CARD9: variants seen among roughly 807,000 people sequenced by gnomAD.
CARD9 encodes caspase recruitment domain-containing protein 9.
A neutral mutation model predicts 66.0 loss-of-function variants in CARD9; 53 were observed. The ratio of observed to expected loss-of-function variants is 0.80; its 90% CI spans 0.64 to 1.01. The LOEUF is 1.01. Ranked by LOEUF, CARD9 falls within the 50% of genes least tolerant of loss-of-function variation. CARD9 has a pLI of 0.00. For synonymous variants in CARD9, 387 were observed against 313.8 expected (o/e 1.23, Z -2.47); for missense variants, 769 against 743.2 (o/e 1.03, Z -0.40).
intron 2 of CARD9, 34 bp downstream of exon 2, chr9:136,371,861 G>C (rs372312986): frequency 1.9e-6 from 3 of 1,570,046 alleles, no homozygotes; most frequent in Non-Finnish European, 2.6e-6. Context: ...CTGTGGTTGG[G>C]TTTGGGGCCT....
At chr9:136,370,018 C>G in intron 6 of CARD9, 143 bp from the exon 7 acceptor site, 1 of 1,487,942 alleles carries the variant, frequency 6.7e-7, no homozygotes, top group Non-Finnish European at 9.0e-7. Flanking sequence ...CAGGCCCCTA[C>G]CAGCCCTGCA....
At position 136,367,703 on chromosome 9, in the gene CARD9, C is replaced by T. The variant is rs980067180; in HGVS notation, c.1203G>A (p.Gln401=). Residue 401 remains glutamine (Q), a synonymous_variant, in exon 8 of 13, where the codon CAG becomes CAA. Coordinates refer to ENST00000371732, the MANE Select transcript of CARD9 (RefSeq NM_052813.5). The part of the protein sequence containing the change: ...KADELQLQVF[Q]CEAQLLAVEG... ...CCACGGCCAGTAGCTGCGCCTCACA[C>T]TGGAACACCTGCAGCTGCAGCTCAT... The T allele has an allele frequency of 5.6e-6, 9 of 1,603,536 alleles. No homozygotes were observed. The highest frequency in any genetic ancestry group is 7.6e-6 in the Non-Finnish European group (9 of 1,179,012).
chr9:136,367,926 C>T (rs1052565434), intron 7 of CARD9, 98 bp from the exon 8 acceptor site: 11 of 1,463,558 alleles, frequency 7.5e-6, no homozygotes, highest in East Asian at 5.0e-5. Flanking sequence ...CTCCGGAGGA[C>T]GTCAAGCCGC....
Position 136,364,348 on chromosome 9 carries a change from C to G in CARD9, c.1565G>C (p.Arg522Pro), listed in dbSNP as rs745730969. 1.3e-6 allele frequency: 2 copies of G among 1,569,488 alleles called. No homozygotes were observed. Among genetic ancestry groups the G allele is most frequent in the East Asian group, 4.7e-5 (2 of 42,842 alleles). The change falls in exon 13 of 13, where the codon CGG becomes CCG. Residue 522 changes from arginine (R) to proline (P), a missense_variant. Arg to Pro is a moderately radical substitution (Grantham distance 103). Transcript: ENST00000371732. ...GTTGTCGCTGCCCGTGGTGTTCTCC[C>G]GGTCCTCCTCCCCCTGCCGCCATCC... ...QKGWRQGEED[R>P]ENTTGSDNTD...
Position 136,364,203 on chromosome 9 carries a change from G to T in CARD9, c.*99C>A, listed in dbSNP as rs774509943. The T allele has an allele frequency of 6.4e-7, 1 of 1,550,544 alleles. No homozygotes were observed. Among genetic ancestry groups the T allele is most frequent in the South Asian group, 1.2e-5 (1 of 84,062 alleles). On this transcript the variant is annotated 3_prime_UTR_variant, in exon 13 of 13. Transcript: ENST00000371732. ...ATTCCTCGTTCCAGGCCAAGTCAGC[G>T]ACGGCTCGGGGAAGTCTGCGCCCCA...
chr9:136,366,773 C>T, intron 10 of CARD9, 27 bp downstream of exon 10: 1 of 1,612,740 alleles, frequency 6.2e-7, no homozygotes, highest in Non-Finnish European at 8.5e-7. Flanking sequence ...TGGGAGGCCT[C>T]TGGGTGTACT....
rs755302621 is a variant in CARD9, at chr9:136,364,409, G to A, written c.1512-8C>T. 7.1e-6 allele frequency: 11 copies of A among 1,548,742 alleles called. No homozygotes were observed. The East Asian group carries it at 2.4e-4, about 34-fold the overall frequency. On this transcript the variant is annotated splice_region_variant and splice_polypyrimidine_tract_variant and intron_variant, in intron 12 of 12. Transcript: ENST00000371732. Reference sequence around the variant, plus strand: ...TTCCTGAGGGCGCGCTTCCTGTGAAGACAGGTGTCTCAGGCGCGACCCGGC... The same window carrying A: ...TTCCTGAGGGCGCGCTTCCTGTGAAAACAGGTGTCTCAGGCGCGACCCGGC...
intron 9 of CARD9, 151 bp downstream of exon 9, chr9:136,367,065 C>G (rs1833141405): frequency 2.8e-6 from 3 of 1,055,602 alleles, no homozygotes; most frequent in South Asian, 1.4e-5. Context: ...CATCAGAGGC[C>G]TTAGCATTTG....
Position 136,371,950 on chromosome 9 carries a change from ATCG to A in CARD9, c.126_128del (p.Asp44del), listed in dbSNP as rs1226843814. 1 of 1,610,484 alleles carries A rather than the reference ATCG, an allele frequency of 6.2e-7. No homozygotes were observed. The highest frequency in any genetic ancestry group is 8.5e-7 in the Non-Finnish European group (1 of 1,178,044). On this transcript the variant is annotated inframe_deletion, in exon 2 of 13. Coordinates refer to ENST00000371732, the MANE Select transcript of CARD9 (RefSeq NM_052813.5). ...GGTCGCTGAGCACCTGCTCCTCATC[ATCG>A]GGGTTCAGGACCTTGCACTGCCGCA...
At position 136,367,199 on chromosome 9, in the gene CARD9, G is replaced by A; in HGVS notation, c.1311+17C>T. The A allele has an allele frequency of 6.2e-7, 1 of 1,611,372 alleles. No homozygotes were observed. Among genetic ancestry groups the A allele is most frequent in the Non-Finnish European group, 8.5e-7 (1 of 1,179,292 alleles). ...GTGAAGGAAGGCCAGCCTCGTGCTG[G>A]CTGGGGTCTCACTCACCTCCTGGGA... On this transcript the variant is annotated intron_variant, in intron 9 of 12. Transcript: ENST00000371732.
chr9:136,367,408 G>A, intron 8 of CARD9, 151 bp from the exon 9 acceptor site: 8 of 1,028,168 alleles, frequency 7.8e-6, no homozygotes, highest in Non-Finnish European at 1.2e-5. Context: ...CAACCTGCTA[G>A]GCTGCCTGAT....
Position 136,365,197 on chromosome 9 carries a change from T to TC in CARD9, c.1377dup (p.Ser460GlufsTer20), listed in dbSNP as rs1310208364. On this transcript the variant is annotated frameshift_variant, in exon 11 of 13. Coordinates refer to ENST00000371732, the MANE Select transcript of CARD9 (RefSeq NM_052813.5). LOFTEE classifies it high-confidence loss of function. The stretch of plus-strand genomic sequence containing the variant: ...AGAGCTGCAAAGGGCTGTTTCGGGC[T>TC]CCCCCCGCCGGCAAGGCAGCCTGGA... The TC allele has an allele frequency of 1.2e-6, 2 of 1,604,636 alleles. No individual in the cohort carries two copies. The highest frequency in any genetic ancestry group is 8.5e-7 in the Non-Finnish European group (1 of 1,177,804).
chr9:136,367,658 C>T lies in CARD9; in HGVS notation c.1248G>A (p.Gln416=), dbSNP rs1289662905. Residue 416 remains glutamine (Q), a synonymous_variant, in exon 8 of 13, where the codon CAG becomes CAA. Coordinates refer to ENST00000371732, the MANE Select transcript of CARD9 (RefSeq NM_052813.5). ...CCACCAGGACGAGCGTCTCCAGCTG[C>T]TGCCGCCTGAGCCTGCCCTCCACGG... ...LLAVEGRLRR[Q]QLETLVLSSD... is the part of the protein sequence containing the mutation. 6.3e-7 allele frequency: 1 copy of T among 1,593,566 alleles called. No homozygotes were observed. Among genetic ancestry groups the T allele is most frequent in the East Asian group, 2.2e-5 (1 of 44,550 alleles).
intron 10 of CARD9, chr9:136,366,452 G>C (rs1459171794): frequency 2.6e-6 from 1 of 381,658 alleles, no homozygotes; most frequent in African/African-American, 2.0e-5. Flanking sequence ...CCAGGACTGG[G>C]CCTGCTCACC....
chr9:136,372,934 G>A (rs1833310018), intron 1 of CARD9, among the ~76,000 whole-genome samples: 1 of 152,246 alleles, frequency 6.6e-6, no homozygotes, highest in Non-Finnish European at 1.5e-5. Context: ...CCCAGATGAG[G>A]CCCGGCCCCC....
intron 9 of CARD9, 55 bp downstream of exon 9, chr9:136,367,161 G>T (rs1833143146): frequency 2.5e-6 from 4 of 1,578,320 alleles, no homozygotes; most frequent in Non-Finnish European, 3.5e-6. Context: ...TGGCAGCTCA[G>T]CCAGGACCCC....
At position 136,370,363 on chromosome 9, in the gene CARD9, G is replaced by C. The variant is rs756275149; in HGVS notation, c.882C>G (p.His294Gln). 1.5e-5 allele frequency: 24 copies of C among 1,609,946 alleles called. No homozygotes were observed. Among genetic ancestry groups the C allele is most frequent in the Non-Finnish European group, 2.0e-5 (23 of 1,179,148 alleles). Reference sequence around the variant, plus strand: ...AGAAGATGGTGTTGGCCTGCTCCTGGTGGTCCCGCAGCGCCTGCCGCCAGT... The same window carrying C: ...AGAAGATGGTGTTGGCCTGCTCCTGCTGGTCCCGCAGCGCCTGCCGCCAGT... ...EEDWRQALRD[H>Q]QEQANTIFSL... Residue 294 changes from histidine to glutamine, a missense_variant, in exon 6 of 13, where the codon CAC becomes CAG. His to Gln is a conservative substitution (Grantham distance 24, BLOSUM62 0). Transcript: ENST00000371732.
In CARD9 at chr9:136,364,039, G is replaced by T; in HGVS notation, c.*263C>A. 1 of 1,507,146 alleles carries T rather than the reference G, an allele frequency of 6.6e-7. No individual in the cohort carries two copies. Among genetic ancestry groups the T allele is most frequent in the Non-Finnish European group, 9.0e-7 (1 of 1,107,562 alleles). The allele number at this position is 1,507,146 out of a possible 1,614,324, so 93.4% of individuals were successfully genotyped here. A position where few individuals can be genotyped will look rare whatever the true frequency, so the allele number is the denominator to read the frequency against. Reference sequence around the variant, plus strand: ...ATGCATGTATTGTGTGTTACATGGTGAAACAGAACAGATCCTGAAGTTACA... The same window carrying T: ...ATGCATGTATTGTGTGTTACATGGTTAAACAGAACAGATCCTGAAGTTACA... On this transcript the variant is annotated 3_prime_UTR_variant, in exon 13 of 13. Coordinates refer to ENST00000371732, the MANE Select transcript of CARD9 (RefSeq NM_052813.5).
At chr9:136,370,737 A>G (rs749543068) in intron 4 of CARD9, 36 bp from the exon 5 acceptor site, 193 of 1,612,352 alleles carry the variant, frequency 1.2e-4, no homozygotes, top group Non-Finnish European at 1.5e-4. Context: ...TGTCCCCTCC[A>G]GGCGGTGACC....
Sources: allele counts gnomAD v4.1 joint callset (sites outside exome capture counted in the v4.1 genomes callset), GRCh38; gene constraint gnomAD v4.1.1; transcripts MANE v1.5; gene names NCBI Gene and HGNC (gene_info 2026-07-23, HGNC 2026-07-21).